BCAS3: variants seen among roughly 807,000 people sequenced by gnomAD.
BCAS3 encodes BCAS3 microtubule associated cell migration factor.
BCAS3 carries 53 observed loss-of-function variants against 116.1 expected under a neutral mutation model. That is an observed-to-expected ratio of 0.46 (90% CI 0.37 to 0.57). The LOEUF (loss-of-function observed/expected upper bound fraction) is 0.57, where lower values mean the gene tolerates loss of function less well. Among genes scored for constraint, BCAS3 ranks in the 20% least tolerant of loss-of-function variants. The probability of loss-of-function intolerance (pLI) is 0.00; values close to 1 mark genes in which losing one functional copy is unlikely to be tolerated. For synonymous variants in BCAS3, 391 were observed against 408.2 expected (o/e 0.96, Z 0.51); for missense variants, 917 against 1,165.4 (o/e 0.79, Z 3.10).
intron 22 of BCAS3, among the ~76,000 whole-genome samples, chr17:61,170,466 G>A (rs2078779850): frequency 6.6e-6 from 1 of 151,884 alleles, no homozygotes; most frequent in East Asian, 2.0e-4. Flanking sequence ...CTAATTTTTT[G>A]TAGTTTTAGT....
In BCAS3 at chr17:61,265,698, TC is replaced by T. The variant is rs5821315; in HGVS notation, c.2426-102622del. Among the ~76,000 whole-genome samples the T allele has an allele frequency of 6.6e-5, 10 of 151,802 alleles. No individual in the cohort carries two copies. The highest frequency in any genetic ancestry group is 2.4e-4 in the African/African-American group (10 of 41,358). ...ACTATGTAACACCATCATTCTTTTTTCCCCCCCATCAAGTAGTATATCTGCC... is the reference window on the plus strand; with the variant it reads ...ACTATGTAACACCATCATTCTTTTTTCCCCCCATCAAGTAGTATATCTGCC... On this transcript the variant is annotated intron_variant, in intron 22 of 23. Coordinates refer to ENST00000407086, the MANE Select transcript of BCAS3 (RefSeq NM_017679.5). The surrounding 1 kb of genome is among the most constrained non-coding windows in gnomAD (Gnocchi z 4.3).
At chr17:60,918,738 G>A (rs1296461040) in intron 12 of BCAS3, among the ~76,000 whole-genome samples, 5 of 139,642 alleles carry the variant, frequency 3.6e-5, no homozygotes, top group African/African-American at 1.4e-4. Flanking sequence ...TGTCACCCAC[G>A]CTGGAGTGCA....
intron 14 of BCAS3, among the ~76,000 whole-genome samples, chr17:60,948,281 G>A (rs576304080): frequency 6.6e-6 from 1 of 151,860 alleles, no homozygotes; most frequent in African/African-American, 2.4e-5. Flanking sequence ...GCTAATTTTT[G>A]CATTTTTAGT....
At position 61,043,113 on chromosome 17, in the gene BCAS3, C is replaced by T. The variant is rs528956692; in HGVS notation, c.2029+2221C>T. 5.3e-4 allele frequency among the ~76,000 whole-genome samples: 80 copies of T among 151,848 alleles called. 1 individual carries two copies. The South Asian group carries it at 0.013, about 24-fold the overall frequency. ...GGCACAGTGGCTCACGCCTGTAATCCTAGCACTTTGGGAGACCGAGGTAGG... is the reference window on the plus strand; with the variant it reads ...GGCACAGTGGCTCACGCCTGTAATCTTAGCACTTTGGGAGACCGAGGTAGG... On this transcript the variant is annotated intron_variant, in intron 19 of 23. Transcript: ENST00000407086.
chr17:61,110,394 C>T (rs978344442), intron 22 of BCAS3, among the ~76,000 whole-genome samples: 4 of 152,118 alleles, frequency 2.6e-5, no homozygotes, highest in East Asian at 3.9e-4. Flanking sequence ...GCGCACCGTG[C>T]GCAAGCCGAA....
chr17:60,888,478 G>A (rs991840917), intron 9 of BCAS3, among the ~76,000 whole-genome samples: 7 of 151,946 alleles, frequency 4.6e-5, no homozygotes, highest in African/African-American at 1.7e-4. Flanking sequence ...AATTGTCAGC[G>A]GAATACATGT....
At position 61,211,841 on chromosome 17, in the gene BCAS3, C is replaced by A. The variant is rs1348718030; in HGVS notation, c.2425+127277C>A. Among the ~76,000 whole-genome samples, 1 of 152,186 alleles carries A rather than the reference C, an allele frequency of 6.6e-6. No individual in the cohort carries two copies. Among genetic ancestry groups the A allele is most frequent in the Non-Finnish European group, 1.5e-5 (1 of 68,026 alleles). On this transcript the variant is annotated intron_variant, in intron 22 of 23. Coordinates refer to ENST00000407086, the MANE Select transcript of BCAS3 (RefSeq NM_017679.5). This position sits in a 1 kb window ranked among gnomAD's most constrained non-coding sequence, Gnocchi z 4.4. ...ATATTTCAGGCATAGACTTGGAGAGCAAGCTGCCCACCAGGGCAGGGCCTT... is the reference window on the plus strand; with the variant it reads ...ATATTTCAGGCATAGACTTGGAGAGAAAGCTGCCCACCAGGGCAGGGCCTT...
chr17:61,240,542 T>G (rs2047424287), intron 22 of BCAS3, among the ~76,000 whole-genome samples: 1 of 152,158 alleles, frequency 6.6e-6, no homozygotes, highest in Non-Finnish European at 1.5e-5. Context: ...TAATCCCAGC[T>G]ACTCTGGAGG....
At chr17:60,713,873 GC>G (rs1365679568) in intron 5 of BCAS3, among the ~76,000 whole-genome samples, 1 of 152,136 alleles carries the variant, frequency 6.6e-6, no homozygotes, top group Non-Finnish European at 1.5e-5. Flanking sequence ...TCACGCTGTT[GC>G]CCAGGCTGGA....
chr17:60,874,195 T>C (rs117758095), intron 8 of BCAS3, among the ~76,000 whole-genome samples: 4,629 of 151,668 alleles, frequency 0.031, 182 homozygotes, highest in East Asian at 0.092. Context: ...GCCTCCTGAG[T>C]AACTAGGACT....
intron 22 of BCAS3, among the ~76,000 whole-genome samples, chr17:61,157,163 A>G (rs960708029): frequency 1.1e-4 from 16 of 152,188 alleles, no homozygotes; most frequent in African/African-American, 3.9e-4. Flanking sequence ...TGATTTGGAT[A>G]TCAAAAGATG....
chr17:61,103,576 A>C (rs2074460684), intron 22 of BCAS3, among the ~76,000 whole-genome samples: 1 of 152,220 alleles, frequency 6.6e-6, no homozygotes, highest in Non-Finnish European at 1.5e-5. Context: ...TACTCAGCCT[A>C]AAAAGGCAAA....
chr17:61,025,813 G>A (rs545078161), intron 16 of BCAS3, among the ~76,000 whole-genome samples: 3 of 151,676 alleles, frequency 2.0e-5, no homozygotes, highest in East Asian at 1.9e-4. Context: ...TATATAATGC[G>A]CTTCAAGCCT....
chr17:60,788,197 A>AT (rs956427179), intron 6 of BCAS3, among the ~76,000 whole-genome samples: 14 of 151,906 alleles, frequency 9.2e-5, no homozygotes, highest in Admixed American at 7.2e-4. Flanking sequence ...TTGATCATTA[A>AT]TTTTTTTTGA....
chr17:61,328,116 A>G (rs2055886258), intron 22 of BCAS3, among the ~76,000 whole-genome samples: 1 of 152,234 alleles, frequency 6.6e-6, no homozygotes, highest in Non-Finnish European at 1.5e-5. Context: ...AGAGAGTAAC[A>G]ATAAATTTTA....
intron 7 of BCAS3, among the ~76,000 whole-genome samples, chr17:60,829,115 A>G (rs2050687813): frequency 6.6e-6 from 1 of 152,164 alleles, no homozygotes; most frequent in Non-Finnish European, 1.5e-5. Context: ...ATTGCTAGAC[A>G]TTTCTTGCTA....
At chr17:60,797,718 G>C (rs1359033574) in intron 6 of BCAS3, among the ~76,000 whole-genome samples, 1 of 151,974 alleles carries the variant, frequency 6.6e-6, no homozygotes, top group Non-Finnish European at 1.5e-5. Context: ...GGTGTATGAT[G>C]TTCTTCTCTC....
intron 5 of BCAS3, among the ~76,000 whole-genome samples, chr17:60,726,795 C>T (rs2039921352): frequency 6.6e-6 from 1 of 152,144 alleles, no homozygotes; most frequent in Non-Finnish European, 1.5e-5. Flanking sequence ...AGGCGTGAGC[C>T]ACTGCTACTG....
At chr17:60,847,125 C>T (rs1051934248) in intron 7 of BCAS3, among the ~76,000 whole-genome samples, 2 of 152,158 alleles carry the variant, frequency 1.3e-5, no homozygotes, top group Non-Finnish European at 1.5e-5. Flanking sequence ...TTGGGAGGTT[C>T]ATCCATGCTG....
Sources: allele counts gnomAD v4.1 joint callset (sites outside exome capture counted in the v4.1 genomes callset), GRCh38; gene constraint gnomAD v4.1.1; non-coding constraint Gnocchi (gnomAD v3.1); transcripts MANE v1.5; gene names NCBI Gene and HGNC (gene_info 2026-07-23, HGNC 2026-07-21).